Variants in LRMDA observed in about 807,000 individuals in gnomAD.
The protein encoded by LRMDA is leucine rich melanocyte differentiation associated.
A neutral mutation model predicts 29.8 loss-of-function variants in LRMDA; 18 were observed. The observed-to-expected ratio is 0.60, with a 90% confidence interval of 0.42 to 0.90. The LOEUF is 0.90. LRMDA is among the 40% of genes least tolerant of loss of function. The pLI, the probability that LRMDA is intolerant of heterozygous loss-of-function variation, is 0.00. For synonymous variants in LRMDA, 125 were observed against 109.4 expected (o/e 1.14, Z -0.89); for missense variants, 273 against 273.9 (o/e 1.00, Z 0.02).
At chr10:75,916,428 G>A (rs1240663701) in intron 2 of LRMDA, among the ~76,000 whole-genome samples, 1 of 152,036 alleles carries the variant, frequency 6.6e-6, no homozygotes. Flanking sequence ...CTACCTGGAT[G>A]GGATGGCTAT....
At chr10:76,551,701 G>A (rs1030890503) in intron 6 of LRMDA, among the ~76,000 whole-genome samples, 2 of 152,156 alleles carry the variant, frequency 1.3e-5, no homozygotes, top group African/African-American at 4.8e-5. Context: ...GGTACCGGGT[G>A]TTAGAAATTG....
chr10:75,986,268 T>G (rs1847260695), intron 2 of LRMDA, among the ~76,000 whole-genome samples: 1 of 152,196 alleles, frequency 6.6e-6, no homozygotes, highest in African/African-American at 2.4e-5. Context: ...CTCGTGAAAC[T>G]CTCATATTCT....
intron 2 of LRMDA, among the ~76,000 whole-genome samples, chr10:75,599,798 T>A (rs1054052236): frequency 2.6e-5 from 4 of 152,184 alleles, no homozygotes; most frequent in Admixed American, 2.0e-4. Flanking sequence ...TTAATTAACA[T>A]TGAAATAGCC....
At chr10:75,846,356 G>A (rs560375184) in intron 2 of LRMDA, among the ~76,000 whole-genome samples, 1 of 152,146 alleles carries the variant, frequency 6.6e-6, no homozygotes, top group South Asian at 2.1e-4. Context: ...AGTCTCAAAA[G>A]GCAAAAGCCA....
At chr10:76,201,964 T>C (rs1419283306) in intron 5 of LRMDA, among the ~76,000 whole-genome samples, 2 of 152,104 alleles carry the variant, frequency 1.3e-5, no homozygotes, top group Admixed American at 6.5e-5. Flanking sequence ...TGGTCTCAGC[T>C]GGGGACCCTA....
At chr10:76,159,910 T>G (rs1424541453) in intron 5 of LRMDA, among the ~76,000 whole-genome samples, 2 of 151,968 alleles carry the variant, frequency 1.3e-5, no homozygotes, top group East Asian at 3.9e-4. Flanking sequence ...AACAGAGGAT[T>G]TGGGGGGCAG....
At chr10:75,476,548 C>T (rs1175668078) in intron 2 of LRMDA, among the ~76,000 whole-genome samples, 1 of 152,192 alleles carries the variant, frequency 6.6e-6, no homozygotes, top group East Asian at 1.9e-4. Flanking sequence ...GCCAACAAAG[C>T]AGGAATTGCC....
chr10:75,780,439 CT>C (rs1843367712), intron 2 of LRMDA, among the ~76,000 whole-genome samples: 1 of 152,116 alleles, frequency 6.6e-6, no homozygotes, highest in Non-Finnish European at 1.5e-5. Context: ...GGATAGAGAC[CT>C]GGAATATAGA....
intron 2 of LRMDA, among the ~76,000 whole-genome samples, chr10:75,592,584 G>GA (rs914884692): frequency 2.0e-5 from 3 of 152,308 alleles, no homozygotes; most frequent in South Asian, 2.1e-4. Flanking sequence ...GGTATGAACA[G>GA]AAAAAACCAC....
At chr10:75,939,378 T>C (rs1055860590) in intron 2 of LRMDA, among the ~76,000 whole-genome samples, 5 of 152,180 alleles carry the variant, frequency 3.3e-5, no homozygotes, top group Admixed American at 1.3e-4. Flanking sequence ...TGTTGTGTTC[T>C]GTTTTCCCTA....
At chr10:76,429,269 G>A (rs1294235945) in intron 6 of LRMDA, among the ~76,000 whole-genome samples, 1 of 152,110 alleles carries the variant, frequency 6.6e-6, no homozygotes, top group South Asian at 2.1e-4. Flanking sequence ...TGCGAATAAT[G>A]TGTACTGAGC....
chr10:76,528,448 G>A (rs905709259), intron 6 of LRMDA, among the ~76,000 whole-genome samples: 3 of 152,052 alleles, frequency 2.0e-5, no homozygotes, highest in African/African-American at 7.2e-5. Flanking sequence ...AGGCCAGAAG[G>A]CAAAACATCC....
intron 6 of LRMDA, among the ~76,000 whole-genome samples, chr10:76,328,565 G>A (rs562531426): frequency 5.9e-5 from 9 of 152,262 alleles, no homozygotes; most frequent in South Asian, 2.1e-4. Flanking sequence ...TACCCAGTGC[G>A]TATGAAGCAA....
intron 2 of LRMDA, among the ~76,000 whole-genome samples, chr10:75,832,418 T>C (rs976109456): frequency 3.3e-5 from 5 of 152,172 alleles, no homozygotes; most frequent in African/African-American, 1.2e-4. Flanking sequence ...TCAGCCTGGA[T>C]TGCATTGTCC....
At chr10:75,748,704 T>C (rs1284275422) in intron 2 of LRMDA, among the ~76,000 whole-genome samples, 1 of 152,150 alleles carries the variant, frequency 6.6e-6, no homozygotes, top group African/African-American at 2.4e-5. Context: ...CATTCGTGAA[T>C]TGTAAAATCA....
At chr10:75,586,838 T>C (rs1202054589) in intron 2 of LRMDA, among the ~76,000 whole-genome samples, 2 of 151,586 alleles carry the variant, frequency 1.3e-5, no homozygotes, top group Non-Finnish European at 2.9e-5. Context: ...TTTTTAACTA[T>C]TCAGTTGTAG....
At chr10:76,346,156 A>G in intron 6 of LRMDA, among the ~76,000 whole-genome samples, 1 of 152,232 alleles carries the variant, frequency 6.6e-6, no homozygotes, top group East Asian at 1.9e-4. Context: ...TTGAAAGTGT[A>G]GACACAAAAC....
intron 6 of LRMDA, among the ~76,000 whole-genome samples, chr10:76,337,243 G>A (rs1840980881): frequency 6.6e-6 from 1 of 152,116 alleles, no homozygotes; most frequent in Non-Finnish European, 1.5e-5. Flanking sequence ...GCATAAAGTG[G>A]GCAAACATTT....
At chr10:76,024,986 C>T (rs919717898) in intron 2 of LRMDA, among the ~76,000 whole-genome samples, 5 of 152,270 alleles carry the variant, frequency 3.3e-5, no homozygotes, top group Admixed American at 6.5e-5. Context: ...TGCGGTACAC[C>T]GTGTCCACTC....
Sources: gnomAD v4.1 joint callset for allele counts (sites outside exome capture counted in the v4.1 genomes callset) on GRCh38, gnomAD v4.1.1 for gene constraint, MANE v1.5 for transcripts, NCBI Gene and HGNC (gene_info 2026-07-23, HGNC 2026-07-21) for gene names.